FMO4: variants seen among roughly 807,000 people sequenced by gnomAD.
The protein encoded by FMO4 is flavin containing dimethylaniline monoxygenase 4.
A neutral mutation model predicts 43.3 loss-of-function variants in FMO4; 38 were observed. The ratio of observed to expected loss-of-function variants is 0.88; its 90% confidence interval spans 0.68 to 1.15. The LOEUF is 1.15. Among genes scored for constraint, FMO4 ranks in the 50% most tolerant of loss-of-function variants. The pLI, the probability that FMO4 is intolerant of heterozygous loss-of-function variation, is 0.00. For missense variants in FMO4, 631 were observed against 663.3 expected, an observed-to-expected ratio of 0.95 and a Z score of 0.54; for synonymous variants, 224 against 232.2, an observed-to-expected ratio of 0.96 and a Z score of 0.32.
chr1:171,333,118 G>T (rs759137972), intron 7 of FMO4: 1 of 403,098 alleles, frequency 2.5e-6, no homozygotes, highest in East Asian at 4.2e-5. Context: ...GATTCATGAG[G>T]CTGGAAGAAA....
chr1:171,334,690 C>G lies in FMO4; in HGVS notation c.1107C>G (p.Gly369=). The G allele has an allele frequency of 6.2e-7, 1 of 1,612,600 alleles. No homozygotes were observed. Among genetic ancestry groups the G allele is most frequent in the Non-Finnish European group, 8.5e-7 (1 of 1,179,488 alleles). ...NLERATLAII[G]LIGLKGSILS... ...AGAGAGCGACATTAGCCATCATCGG[C>G]CTTATCGGCCTTAAAGGATCCATCT... Residue 369 remains glycine (G), a synonymous_variant, in exon 8 of 10, where the codon GGC becomes GGG. Coordinates refer to ENST00000367749, the MANE Select transcript of FMO4 (RefSeq NM_002022.3).
chr1:171,341,904 C>T lies in FMO4; in HGVS notation c.*65C>T. ...CTATCTCCAAGTATCTTGTGCATCCCTCCTCTGCTCTCCATCATAACTGCT... is the reference window on the plus strand; with the variant it reads ...CTATCTCCAAGTATCTTGTGCATCCTTCCTCTGCTCTCCATCATAACTGCT... On this transcript the variant is annotated 3_prime_UTR_variant, in exon 10 of 10. Coordinates refer to ENST00000367749, the MANE Select transcript of FMO4 (RefSeq NM_002022.3). The T allele has an allele frequency of 1.6e-6, 2 of 1,279,286 alleles. No homozygotes were observed. The highest frequency in any genetic ancestry group is 1.1e-6 in the Non-Finnish European group (1 of 921,048). The allele number at this position is 1,279,286 out of a possible 1,614,324, so 79.2% of individuals were successfully genotyped here. A position where few individuals can be genotyped will look rare whatever the true frequency, so the allele number is the denominator to read the frequency against.
At chr1:171,328,979 T>C (rs1017089364) in intron 5 of FMO4, among the ~76,000 whole-genome samples, 3 of 152,194 alleles carry the variant, frequency 2.0e-5, no homozygotes, top group African/African-American at 7.2e-5. Flanking sequence ...ATAGTCAAAA[T>C]GTGCAACTGT....
chr1:171,320,153 G>A (rs536710349), intron 3 of FMO4, among the ~76,000 whole-genome samples, 196 bp downstream of exon 3: 9 of 152,152 alleles, frequency 5.9e-5, no homozygotes, highest in Non-Finnish European at 7.3e-5. Context: ...GCGCAGACTC[G>A]GGTCAGGGAC....
chr1:171,335,122 T>A (rs1003658982), intron 8 of FMO4, among the ~76,000 whole-genome samples: 1 of 152,194 alleles, frequency 6.6e-6, no homozygotes, highest in Non-Finnish European at 1.5e-5. Context: ...CAAAGAAAGA[T>A]ATTGGAATAA....
chr1:171,326,978 A>T (rs970925537), intron 5 of FMO4, among the ~76,000 whole-genome samples: 1 of 151,926 alleles, frequency 6.6e-6, no homozygotes, highest in Non-Finnish European at 1.5e-5. Flanking sequence ...TTGACTCAGA[A>T]CTATCTACAC....
In FMO4 at chr1:171,334,780, G is replaced by C. The variant is rs1402865783; in HGVS notation, c.1180+17G>C. On this transcript the variant is annotated intron_variant, in intron 8 of 9. Transcript: ENST00000367749. ...TATTCAAAGGTACCATGACTCTACT[G>C]AAAGTCCTCTCTTTGGATCGTAAAA... The C allele has an allele frequency of 6.9e-7, 1 of 1,440,406 alleles. No homozygotes were observed. The highest frequency in any genetic ancestry group is 2.3e-5 in the East Asian group (1 of 43,504). 89.2% of individuals were successfully genotyped at this position (1,440,406 alleles called of 1,614,324 possible).
intron 7 of FMO4, among the ~76,000 whole-genome samples, chr1:171,334,165 TAG>T (rs1269102539): frequency 1.3e-5 from 2 of 152,296 alleles, no homozygotes; most frequent in South Asian, 2.1e-4. Flanking sequence ...TTCTAAGAGA[TAG>T]AGAGTTTTAA....
chr1:171,331,943 G>A (rs949948041), intron 6 of FMO4, among the ~76,000 whole-genome samples, 161 bp downstream of exon 6: 6 of 151,660 alleles, frequency 4.0e-5, no homozygotes, highest in Non-Finnish European at 7.4e-5. Flanking sequence ...AGCCACTCAC[G>A]GTTCTTTCTG....
At chr1:171,323,226 T>C in intron 4 of FMO4, 34 bp downstream of exon 4, 1 of 1,416,272 alleles carries the variant, frequency 7.1e-7, no homozygotes, top group Non-Finnish European at 9.9e-7. Context: ...GATGAATAGA[T>C]GGGGGCTGGC....
chr1:171,335,987 T>C (rs1027309364), intron 8 of FMO4, among the ~76,000 whole-genome samples: 19 of 152,282 alleles, frequency 1.2e-4, no homozygotes, highest in African/African-American at 4.6e-4. Context: ...CAAAACTCTT[T>C]TAGCTCACAC....
chr1:171,326,033 A>G (rs755745706), intron 5 of FMO4, among the ~76,000 whole-genome samples: 52 of 150,886 alleles, frequency 3.4e-4, no homozygotes, highest in Non-Finnish European at 1.0e-4. Context: ...TTTTTTGCAG[A>G]GACGGTGACT....
chr1:171,322,978 A>G lies in FMO4; in HGVS notation c.133-26A>G, dbSNP rs751052878. 35 of 1,587,878 alleles carry G rather than the reference A, an allele frequency of 2.2e-5. No homozygotes were observed. The East Asian group carries it at 7.2e-4, about 32-fold the overall frequency. ...TCTTCCTCCTATCTCCATTATCCCA[A>G]CAAGCTAACTATGCCTTCACCACAG... On this transcript the variant is annotated intron_variant, in intron 3 of 9. Transcript: ENST00000367749.
chr1:171,339,310 A>G lies in FMO4; in HGVS notation c.1250+1885A>G, dbSNP rs556772960. Among the ~76,000 whole-genome samples the G allele has an allele frequency of 9.2e-5, 14 of 152,300 alleles. No individual in the cohort carries two copies. The East Asian group carries it at 2.7e-3, about 29-fold the overall frequency. On this transcript the variant is annotated intron_variant, in intron 9 of 9. Transcript: ENST00000367749. Reference sequence around the variant, plus strand: ...TATTTAAAGTTTCTCTCGAGTTTTTAAGAACCTACAACTATTTATGGAGAA... The same window carrying G: ...TATTTAAAGTTTCTCTCGAGTTTTTGAGAACCTACAACTATTTATGGAGAA...
At position 171,319,970 on chromosome 1, in the gene FMO4, T is replaced by C; in HGVS notation, c.132+13T>C. On this transcript the variant is annotated intron_variant, in intron 3 of 9. Coordinates refer to ENST00000367749, the MANE Select transcript of FMO4 (RefSeq NM_002022.3). ...ATGGAAGTTTACTGTACGTGGTTCA[T>C]CTCTATCAGTCATGATCTGGCCATT... is the stretch of plus-strand genomic sequence containing the variant. The C allele has an allele frequency of 6.2e-7, 1 of 1,613,532 alleles. No individual in the cohort carries two copies. The highest frequency in any genetic ancestry group is 8.5e-7 in the Non-Finnish European group (1 of 1,179,572).
At chr1:171,321,677 AT>A (rs5778697) in intron 3 of FMO4, among the ~76,000 whole-genome samples, 75,088 of 150,604 alleles carry the variant, frequency 0.5, 20,992 homozygotes, top group African/African-American at 0.78. Context: ...CAGCTGTACT[AT>A]TTTTTTTTTC....
intron 2 of FMO4, among the ~76,000 whole-genome samples, chr1:171,319,465 T>C (rs934342276): frequency 1.3e-5 from 2 of 152,136 alleles, no homozygotes; most frequent in Non-Finnish European, 2.9e-5. Flanking sequence ...TTTAGGGCTG[T>C]AGGTTTCCAG....
chr1:171,332,778 A>G lies in FMO4; in HGVS notation c.697A>G (p.Met233Val), dbSNP rs1279687796. 6.2e-7 allele frequency: 1 copy of G among 1,612,424 alleles called. No individual in the cohort carries two copies. ...RSSDWGYPYN[M>V]MVTRRCCSFI... ...TTCAGATTGGGGCTATCCTTATAATATGATGGTTACAAGAAGATGCTGTAG... is the reference window on the plus strand; with the variant it reads ...TTCAGATTGGGGCTATCCTTATAATGTGATGGTTACAAGAAGATGCTGTAG... The change falls in exon 7 of 10, where the codon ATG (methionine) becomes GTG (valine). Residue 233 changes from methionine to valine, a missense_variant. Coordinates refer to ENST00000367749, the MANE Select transcript of FMO4 (RefSeq NM_002022.3).
At chr1:171,319,737 C>A in intron 2 of FMO4, 81 bp from the exon 3 acceptor site, 2 of 1,262,984 alleles carry the variant, frequency 1.6e-6, no homozygotes, top group Non-Finnish European at 2.3e-6. Flanking sequence ...ATATATAGCA[C>A]TACAAAAATT....
Sources: gnomAD v4.1 joint callset for allele counts (sites outside exome capture counted in the v4.1 genomes callset) on GRCh38, gnomAD v4.1.1 for gene constraint, MANE v1.5 for transcripts, NCBI Gene and HGNC (gene_info 2026-07-23, HGNC 2026-07-21) for gene names.